FUT8: variants seen among roughly 807,000 people sequenced by gnomAD.
FUT8 encodes alpha-(1,6)-fucosyltransferase.
In FUT8, 29 loss-of-function variants were observed where a neutral mutation model predicts 71.3. The observed-to-expected ratio is 0.41, with a 90% CI of 0.30 to 0.55. FUT8 has a LOEUF of 0.55. Among genes scored for constraint, FUT8 ranks in the 20% least tolerant of loss-of-function variants. FUT8 has a pLI of 0.34. For missense variants in FUT8, 544 were observed against 702.1 expected (o/e 0.77, Z 2.55); for synonymous variants, 254 against 239.3 (o/e 1.06, Z -0.57).
At chr14:65,685,818 C>T (rs1893259848) in intron 7 of FUT8, among the ~76,000 whole-genome samples, 1 of 152,134 alleles carries the variant, frequency 6.6e-6, no homozygotes, top group Non-Finnish European at 1.5e-5. Context: ...TCTTAGCATG[C>T]TAATGTATTA....
At chr14:65,566,554 T>C (rs1053485225) in intron 3 of FUT8, among the ~76,000 whole-genome samples, 3 of 151,878 alleles carry the variant, frequency 2.0e-5, no homozygotes, top group Non-Finnish European at 2.9e-5. Context: ...ACAGTGAAAA[T>C]GGTTGAGGAA....
rs1488785776 is a variant in FUT8 at position 65,574,204 on chromosome 14, C to CA, written c.203+12439dup. Among the ~76,000 whole-genome samples, 1 of 152,152 alleles carries CA rather than the reference C, an allele frequency of 6.6e-6. No individual in the cohort carries two copies. The highest frequency in any genetic ancestry group is 1.5e-5 in the Non-Finnish European group (1 of 68,028). On this transcript the variant is annotated intron_variant, in intron 3 of 10. Coordinates refer to ENST00000673929, the MANE Select transcript of FUT8 (RefSeq NM_001371533.1). This position sits in a 1 kb window ranked among gnomAD's most constrained non-coding sequence, Gnocchi z 5.2. ...GACCTCTCCAGAGGGCAGCTCACAC[C>CA]ATAGCTTGCTTCATCAAAACCAGCA...
At position 65,643,374 on chromosome 14, in the gene FUT8, G is replaced by T. The variant is rs1478386793; in HGVS notation, c.597+13768G>T. Among the ~76,000 whole-genome samples, 1 of 152,110 alleles carries T rather than the reference G, an allele frequency of 6.6e-6. No individual in the cohort carries two copies. Among genetic ancestry groups the T allele is most frequent in the Non-Finnish European group, 1.5e-5 (1 of 68,036 alleles). On this transcript the variant is annotated intron_variant, in intron 6 of 10. Transcript: ENST00000673929. The surrounding 1 kb of genome is among the most constrained non-coding windows in gnomAD (Gnocchi z 4.5). ...CTGGAAATAAAATTGACAGATTCTG[G>T]CCCAGCGTGGTGGCTCACGCCTGTA... is the stretch of plus-strand genomic sequence containing the variant.
In FUT8 at chr14:65,483,891, C is replaced by G. The variant is rs981918723; in HGVS notation, c.-228+28173C>G. Among the ~76,000 whole-genome samples the G allele has an allele frequency of 2.6e-5, 4 of 152,002 alleles. No homozygotes were observed. Among genetic ancestry groups the G allele is most frequent in the African/African-American group, 9.7e-5 (4 of 41,394 alleles). On this transcript the variant is annotated intron_variant, in intron 2 of 10. Transcript: ENST00000673929. This position sits in a 1 kb window ranked among gnomAD's most constrained non-coding sequence, Gnocchi z 4.4. The stretch of plus-strand genomic sequence containing the variant: ...GAGATTGCTCAGCTACCACACCCAG[C>G]TAATTTTTGTATTTTTAATAGGGAT...
In FUT8 at chr14:65,615,976, A is replaced by G; in HGVS notation, c.204-2A>G. ...GTTTACATTATCTTCCCTAAACTAC[A>G]GGATACCAGAAGGCCCTATTGATCA... On this transcript the variant is annotated splice_acceptor_variant, in intron 3 of 10. Transcript: ENST00000673929. LOFTEE classifies it high-confidence loss of function. 5 of 1,600,910 alleles carry G rather than the reference A, an allele frequency of 3.1e-6. No individual in the cohort carries two copies. The highest frequency in any genetic ancestry group is 4.3e-6 in the Non-Finnish European group (5 of 1,171,750).
At chr14:65,424,106 A>G (rs2065345698) in intron 1 of FUT8, among the ~76,000 whole-genome samples, 1 of 152,232 alleles carries the variant, frequency 6.6e-6, no homozygotes, top group Admixed American at 6.5e-5. Flanking sequence ...TTTGAGGTTT[A>G]TAGTATCGTA....
rs559156315 is a variant in FUT8, at chr14:65,525,171, C to A, written c.-227-36166C>A. Reference sequence around the variant, plus strand: ...TCCTCCTTGTACCTGTGGTAGAATTCGGTTGTGAATCCGTCTGGTCCTGGA... The same window carrying A: ...TCCTCCTTGTACCTGTGGTAGAATTAGGTTGTGAATCCGTCTGGTCCTGGA... On this transcript the variant is annotated intron_variant, in intron 2 of 10. Transcript: ENST00000673929. Among the ~76,000 whole-genome samples, 3 of 152,146 alleles carry A rather than the reference C, an allele frequency of 2.0e-5. No homozygotes were observed. In the South Asian group the frequency reaches 6.2e-4, roughly 32 times the overall value.
intron 3 of FUT8, among the ~76,000 whole-genome samples, chr14:65,598,227 A>G: frequency 6.6e-6 from 1 of 150,678 alleles, no homozygotes; most frequent in African/African-American, 2.4e-5. Flanking sequence ...CTAAAAAAAA[A>G]TTTTTTTTTT....
the FUT8 span, among the ~76,000 whole-genome samples, chr14:65,379,737 T>A: frequency 3.3e-5 from 5 of 152,318 alleles, no homozygotes; most frequent in East Asian, 9.6e-4. Context: ...CAGGATACCA[T>A]GGACTGAGTA....
chr14:65,477,877 C>G (rs1240705802), intron 2 of FUT8, among the ~76,000 whole-genome samples: 1 of 150,658 alleles, frequency 6.6e-6, no homozygotes, highest in Non-Finnish European at 1.5e-5. Context: ...TTTTTTACCC[C>G]CCTCAAAGGA....
At chr14:65,729,526 CTT>C (rs67348217) in intron 9 of FUT8, among the ~76,000 whole-genome samples, 38 of 142,150 alleles carry the variant, frequency 2.7e-4, no homozygotes, top group Admixed American at 5.6e-4. Flanking sequence ...AGGATATAAA[CTT>C]TTTTTTTTTT....
chr14:65,483,280 T>C lies in FUT8; in HGVS notation c.-228+27562T>C, dbSNP rs1327399703. Among the ~76,000 whole-genome samples, 2 of 152,192 alleles carry C rather than the reference T, an allele frequency of 1.3e-5. No individual in the cohort carries two copies. Among genetic ancestry groups the C allele is most frequent in the East Asian group, 3.8e-4 (2 of 5,196 alleles). On this transcript the variant is annotated intron_variant, in intron 2 of 10. Transcript: ENST00000673929. The surrounding 1 kb of genome is among the most constrained non-coding windows in gnomAD (Gnocchi z 4.4). ...ATGGTTTAGGGTCGGAGGAAGCTCT[T>C]GCCTTGGTGTTCTGTGTCAGCCTAG...
upstream of FUT8, among the ~76,000 whole-genome samples, chr14:65,407,716 CATA>C (rs533729733): frequency 3.0e-3 from 451 of 152,322 alleles, 2 homozygotes; most frequent in African/African-American, 0.01. Flanking sequence ...AACAAACAAA[CATA>C]ATTATTATTT....
At chr14:65,661,473 A>G (rs1418163267) in intron 6 of FUT8, among the ~76,000 whole-genome samples, 3 of 152,174 alleles carry the variant, frequency 2.0e-5, no homozygotes, top group African/African-American at 7.2e-5. Context: ...TGTCCAGTTT[A>G]TATTTACTAA....
At chr14:65,387,336 T>C in the FUT8 span, among the ~76,000 whole-genome samples, 1 of 152,118 alleles carries the variant, frequency 6.6e-6, no homozygotes, top group South Asian at 2.1e-4. Flanking sequence ...TATCGCCAAG[T>C]TTTTCCATTC....
At chr14:65,407,003 G>A (rs2065091092), upstream of FUT8, among the ~76,000 whole-genome samples, 2 of 152,148 alleles carry the variant, frequency 1.3e-5, no homozygotes, top group East Asian at 3.9e-4. Context: ...TCTTAATTCA[G>A]TCCTCACTCC....
At chr14:65,475,094 G>T (rs2066215570) in intron 2 of FUT8, among the ~76,000 whole-genome samples, 1 of 152,102 alleles carries the variant, frequency 6.6e-6, no homozygotes, top group South Asian at 2.1e-4. Context: ...TTTGTATCTT[G>T]TTCCCAGTCT....
rs1234826802 is a variant in FUT8 at position 65,638,150 on chromosome 14, G to T, written c.597+8544G>T. ...CTGGTTAGCTGCAGAAGCAGTGTAG[G>T]TGCTGTCCTACAGTTGTTCCTGTGA... On this transcript the variant is annotated intron_variant, in intron 6 of 10. Coordinates refer to ENST00000673929, the MANE Select transcript of FUT8 (RefSeq NM_001371533.1). This position sits in a 1 kb window ranked among gnomAD's most constrained non-coding sequence, Gnocchi z 4.5. Among the ~76,000 whole-genome samples the T allele has an allele frequency of 2.0e-5, 3 of 152,166 alleles. No homozygotes were observed. The highest frequency in any genetic ancestry group is 4.4e-5 in the Non-Finnish European group (3 of 68,040).
rs1228979634 is a variant in FUT8 at position 65,424,097 on chromosome 14, T to C, written c.-326+10883T>C. Among the ~76,000 whole-genome samples the C allele has an allele frequency of 2.6e-5, 4 of 152,352 alleles. No individual in the cohort carries two copies. The South Asian group carries it at 8.3e-4, about 32-fold the overall frequency. On this transcript the variant is annotated intron_variant, in intron 1 of 10. Transcript: ENST00000673929. ...ATCACTAGTGGCACTTAGGTGTCAT[T>C]TGAGGTTTATAGTATCGTACTAAAC...
Sources: allele counts gnomAD v4.1 joint callset (sites outside exome capture counted in the v4.1 genomes callset), GRCh38; gene constraint gnomAD v4.1.1; non-coding constraint Gnocchi (gnomAD v3.1); transcripts MANE v1.5; gene names NCBI Gene and HGNC (gene_info 2026-07-23, HGNC 2026-07-21).